Variants in CMAS observed in about 807,000 individuals in gnomAD.
The protein encoded by CMAS is cytidine monophosphate N-acetylneuraminic acid synthetase, also known as N-acylneuraminate cytidylyltransferase.
A neutral mutation model predicts 53.4 loss-of-function variants in CMAS; 21 were observed. The observed-to-expected ratio is 0.39, with a 90% CI of 0.28 to 0.57. The LOEUF (loss-of-function observed/expected upper bound fraction) is 0.57, where lower values mean the gene tolerates loss of function less well. Among genes scored for constraint, CMAS ranks in the 20% least tolerant of loss-of-function variants. The probability of loss-of-function intolerance (pLI) is 0.56; values close to 1 mark genes in which losing one functional copy is unlikely to be tolerated. For missense variants in CMAS, 384 were observed against 534.9 expected (o/e 0.72, Z 2.78); for synonymous variants, 189 against 195.2 (o/e 0.97, Z 0.27).
chr12:22,060,653 C>G lies in CMAS; in HGVS notation c.694-179C>G, dbSNP rs1040569317. On this transcript the variant is annotated intron_variant, in intron 4 of 7. Coordinates refer to ENST00000229329, the MANE Select transcript of CMAS (RefSeq NM_018686.6). The stretch of plus-strand genomic sequence containing the variant: ...TGGGAGGCAGAGTGAAACCCTGACT[C>G]GAAAAAATAAAAAAGTAAAAATAAA... The G allele has an allele frequency of 2.6e-5, 12 of 464,582 alleles. No individual in the cohort carries two copies. In the East Asian group the frequency reaches 3.2e-4, roughly 13 times the overall value. 28.8% of individuals were successfully genotyped at this position (464,582 alleles called of 1,614,324 possible). A position where few individuals can be genotyped will look rare whatever the true frequency, so the allele number is the denominator to read the frequency against.
At chr12:22,049,920 A>AT (rs549091905) in intron 1 of CMAS, among the ~76,000 whole-genome samples, 5,883 of 101,270 alleles carry the variant, frequency 0.058, 390 homozygotes, top group African/African-American at 0.18. Context: ...AAAAAAAAAA[A>AT]TTTTTTTTCT....
intron 7 of CMAS, 48 bp from the exon 8 acceptor site, chr12:22,065,073 A>ATTCT (rs779114414): frequency 6.7e-7 from 1 of 1,487,760 alleles, no homozygotes; most frequent in Non-Finnish European, 9.2e-7. Context: ...TAGCTAGAAT[A>ATTCT]TTCTTTGTCT....
chr12:22,065,143 G>A lies in CMAS; in HGVS notation c.1137G>A (p.Glu379=). Residue 379 remains glutamate, a synonymous_variant, in exon 8 of 8, where the codon GAG becomes GAA. Transcript: ENST00000229329. ...AYLGNEVSDE[E]CLKRVGLSGA... ...TAGGAAATGAAGTGTCTGATGAAGAGTGCTTGAAGAGAGTGGGCCTAAGTG... is the reference window on the plus strand; with the variant it reads ...TAGGAAATGAAGTGTCTGATGAAGAATGCTTGAAGAGAGTGGGCCTAAGTG... The A allele has an allele frequency of 6.2e-7, 1 of 1,612,958 alleles. No individual in the cohort carries two copies. The highest frequency in any genetic ancestry group is 8.5e-7 in the Non-Finnish European group (1 of 1,179,166).
chr12:22,063,442 T>A (rs1041643851), intron 7 of CMAS, among the ~76,000 whole-genome samples: 1 of 152,214 alleles, frequency 6.6e-6, no homozygotes, highest in Non-Finnish European at 1.5e-5. Context: ...TTCTTTGGGA[T>A]GTTAAGCAAG....
chr12:22,062,489 T>TTA, intron 7 of CMAS, 55 bp downstream of exon 7: 1 of 1,552,630 alleles, frequency 6.4e-7, no homozygotes, highest in Non-Finnish European at 8.8e-7. Flanking sequence ...AATTATTTAC[T>TTA]TATTTTTAAA....
At chr12:22,058,452 C>G in intron 3 of CMAS, 115 bp from the exon 4 acceptor site, 1 of 852,328 alleles carries the variant, frequency 1.2e-6, no homozygotes, top group Non-Finnish European at 1.8e-6. Flanking sequence ...AGTTCTTTAT[C>G]TAGATAAAGA....
chr12:22,057,244 C>T (rs1316319520), intron 3 of CMAS, among the ~76,000 whole-genome samples: 2 of 143,818 alleles, frequency 1.4e-5, no homozygotes, highest in Non-Finnish European at 1.5e-5. Flanking sequence ...CACACATACA[C>T]ACACACACAC....
rs1950269523 is a variant in CMAS at position 22,056,550 on chromosome 12, TACTG to T, written c.559+943_559+946del. Among the ~76,000 whole-genome samples the T allele has an allele frequency of 2.0e-5, 3 of 152,328 alleles. No individual in the cohort carries two copies. In the East Asian group the frequency reaches 5.8e-4, roughly 29 times the overall value. On this transcript the variant is annotated intron_variant, in intron 3 of 7. Transcript: ENST00000229329. ...ATTAGGAGATACATCTTGTATGTGT[TACTG>T]ACACTCACACCCATACCCTACTCTT...
At chr12:22,059,935 C>T (rs1950297138) in intron 4 of CMAS, among the ~76,000 whole-genome samples, 1 of 152,030 alleles carries the variant, frequency 6.6e-6, no homozygotes, top group South Asian at 2.1e-4. Flanking sequence ...TCTTGCTGAC[C>T]CTTGCCTAGA....
At chr12:22,064,683 T>C (rs1418735886) in intron 7 of CMAS, among the ~76,000 whole-genome samples, 1 of 152,100 alleles carries the variant, frequency 6.6e-6, no homozygotes. Flanking sequence ...TTCCTTCTTC[T>C]CCCTTTCCCC....
chr12:22,062,528 G>A (rs942896567), intron 7 of CMAS, 94 bp downstream of exon 7: 5 of 1,256,298 alleles, frequency 4.0e-6, no homozygotes, highest in African/African-American at 3.1e-5. Flanking sequence ...CTCCAAATGG[G>A]TATGATTGTA....
chr12:22,056,933 C>G (rs1471455263), intron 3 of CMAS, among the ~76,000 whole-genome samples: 10 of 152,096 alleles, frequency 6.6e-5, no homozygotes, highest in Admixed American at 2.0e-4. Context: ...CAAAGTACCA[C>G]TTGAATTATC....
At chr12:22,063,650 G>GGAT (rs1950323608) in intron 7 of CMAS, 1 of 150,874 alleles carries the variant, frequency 6.6e-6, no homozygotes, top group Non-Finnish European at 1.5e-5. Context: ...GTGATAATTA[G>GGAT]GATGATTGTG....
intron 1 of CMAS, among the ~76,000 whole-genome samples, chr12:22,050,149 A>G (rs1451331173): frequency 6.6e-6 from 1 of 152,200 alleles, no homozygotes; most frequent in African/African-American, 2.4e-5. Flanking sequence ...TCCCATACAT[A>G]GCTACGTCGT....
chr12:22,050,066 G>A (rs1950231388), intron 1 of CMAS, among the ~76,000 whole-genome samples: 2 of 152,206 alleles, frequency 1.3e-5, no homozygotes, highest in Non-Finnish European at 2.9e-5. Context: ...AAAGGTAATA[G>A]AAGGGACCAG....
intron 1 of CMAS, among the ~76,000 whole-genome samples, chr12:22,049,417 T>G (rs551139115): frequency 6.7e-4 from 102 of 152,326 alleles, no homozygotes; most frequent in African/African-American, 2.1e-3. Flanking sequence ...TATGTATATA[T>G]ATTGACCAAT....
At chr12:22,048,369 G>T (rs1171449316) in intron 1 of CMAS, among the ~76,000 whole-genome samples, 1 of 152,150 alleles carries the variant, frequency 6.6e-6, no homozygotes. Context: ...CAAGGTGGTT[G>T]TACTGAGAAC....
intron 3 of CMAS, among the ~76,000 whole-genome samples, chr12:22,057,226 T>TAC (rs71053371): frequency 0.041 from 5,500 of 133,724 alleles, 145 homozygotes; most frequent in East Asian, 0.086. Flanking sequence ...AACCAGCTAT[T>TAC]ACACACACAC....
chr12:22,061,499 G>A, intron 6 of CMAS, 47 bp downstream of exon 6: 1 of 1,292,414 alleles, frequency 7.7e-7, no homozygotes, highest in South Asian at 1.6e-5. Context: ...TTTTGATTCA[G>A]GGTCAAAGAA....
Sources: gnomAD v4.1 joint callset for allele counts (sites outside exome capture counted in the v4.1 genomes callset) on GRCh38, gnomAD v4.1.1 for gene constraint, MANE v1.5 for transcripts, NCBI Gene and HGNC (gene_info 2026-07-23, HGNC 2026-07-21) for gene names.